AAMDC: variants seen among roughly 807,000 people sequenced by gnomAD.
AAMDC encodes the protein mth938 domain-containing protein.
A neutral mutation model predicts 15.5 loss-of-function variants in AAMDC; 16 were observed. The observed-to-expected ratio is 1.03, with a 90% CI of 0.70 to 1.57. The LOEUF is 1.57. AAMDC is among the 40% of genes most tolerant of loss of function. AAMDC has a pLI of 0.00. For synonymous variants in AAMDC, 51 were observed against 51.6 expected (o/e 0.99, Z 0.05); for missense variants, 141 against 144.9 (o/e 0.97, Z 0.14).
chr11:77,882,153 C>T (rs931238030), intron 5 of AAMDC, among the ~76,000 whole-genome samples: 9 of 152,128 alleles, frequency 5.9e-5, no homozygotes, highest in Non-Finnish European at 1.3e-4. Flanking sequence ...TGGGCTCAAT[C>T]GATCCTCCCA....
chr11:77,822,967 G>A (rs1036395290), intron 1 of AAMDC, among the ~76,000 whole-genome samples: 2 of 152,148 alleles, frequency 1.3e-5, no homozygotes, highest in Non-Finnish European at 2.9e-5. Context: ...TGTAATCCCA[G>A]CACTTTGGGA....
intron 5 of AAMDC, among the ~76,000 whole-genome samples, chr11:77,897,989 A>AT (rs1952604818): frequency 1.3e-5 from 2 of 151,242 alleles, no homozygotes; most frequent in Admixed American, 6.6e-5. Flanking sequence ...TTTGATTTTT[A>AT]TTTTTTAGAG....
At chr11:77,862,121 G>A (rs1181552619) in intron 2 of AAMDC, among the ~76,000 whole-genome samples, 1 of 152,148 alleles carries the variant, frequency 6.6e-6, no homozygotes, top group Admixed American at 6.5e-5. Context: ...GGTAGCAAAT[G>A]TTTGCGGCAC....
rs766132746 is a variant in AAMDC at position 77,835,914 on chromosome 11, GA to G, written c.-18-6555del. Among the ~76,000 whole-genome samples the G allele has an allele frequency of 9.5e-4, 140 of 147,078 alleles. No individual in the cohort carries two copies. In the Middle Eastern group the frequency reaches 0.027, roughly 29 times the overall value. ...CAGAGTGAGACTCTGTGTCAAAAAA[GA>G]AAAAAAAAATAATAATAAAAATAAA... On this transcript the variant is annotated intron_variant, in intron 1 of 3. Transcript: ENST00000393427.
At position 77,859,608 on chromosome 11, in the gene AAMDC, C is replaced by T. The variant is rs1950789977; in HGVS notation, c.133-10114C>T. 2.0e-5 allele frequency among the ~76,000 whole-genome samples: 3 copies of T among 152,200 alleles called. No individual in the cohort carries two copies. The South Asian group carries it at 6.2e-4, about 31-fold the overall frequency. ...ACTAGTTCCTGGAGTGAGGGGATTA[C>T]TTTCAAGTATTCCATTATCACTGAG... On this transcript the variant is annotated intron_variant, in intron 2 of 3. Coordinates refer to ENST00000393427, the MANE Select transcript of AAMDC (RefSeq NM_024684.4).
downstream of AAMDC, chr11:77,876,936 A>G: frequency 1.4e-6 from 1 of 703,020 alleles, no homozygotes; most frequent in Non-Finnish European, 2.6e-6. Flanking sequence ...ATGGTTCTTC[A>G]TGTTTTTGTC....
At chr11:77,825,850 T>A (rs891945497) in intron 1 of AAMDC, among the ~76,000 whole-genome samples, 9 of 152,036 alleles carry the variant, frequency 5.9e-5, no homozygotes, top group Non-Finnish European at 1.0e-4. Context: ...TGCCACTACA[T>A]CCGGCTAATT....
chr11:77,874,283 G>T (rs1423352982), downstream of AAMDC, among the ~76,000 whole-genome samples: 1 of 151,978 alleles, frequency 6.6e-6, no homozygotes, highest in Admixed American at 6.6e-5. Flanking sequence ...GATCTTTCTA[G>T]ATCTGTTCCC....
At chr11:77,861,556 T>C (rs879778962) in intron 2 of AAMDC, among the ~76,000 whole-genome samples, 10 of 152,218 alleles carry the variant, frequency 6.6e-5, no homozygotes, top group Admixed American at 6.5e-4. Context: ...ATTTGGTTAA[T>C]GGCTTCTGAC....
intron 1 of AAMDC, among the ~76,000 whole-genome samples, chr11:77,827,103 C>CA (rs10540717): frequency 3.8e-4 from 55 of 144,076 alleles, no homozygotes; most frequent in South Asian, 8.9e-4. Flanking sequence ...AAACTCGTCT[C>CA]AAAAAAAAAA....
At chr11:77,830,718 CAT>C (rs918649442) in intron 1 of AAMDC, among the ~76,000 whole-genome samples, 10 of 151,922 alleles carry the variant, frequency 6.6e-5, no homozygotes, top group African/African-American at 1.5e-4. Context: ...TACAAAAACA[CAT>C]GTCAATAATA....
intron 1 of AAMDC, among the ~76,000 whole-genome samples, chr11:77,837,532 G>T (rs1037993054): frequency 6.6e-6 from 1 of 151,938 alleles, no homozygotes; most frequent in Non-Finnish European, 1.5e-5. Flanking sequence ...TTGGCTCATT[G>T]TTACCTCCAC....
At chr11:77,837,636 A>T (rs1197577931) in intron 1 of AAMDC, among the ~76,000 whole-genome samples, 2 of 152,062 alleles carry the variant, frequency 1.3e-5, no homozygotes, top group Non-Finnish European at 2.9e-5. Flanking sequence ...GGGTTTCACC[A>T]TGTTGGCCAG....
chr11:77,842,250 T>C (rs142359869), intron 1 of AAMDC, among the ~76,000 whole-genome samples: 216 of 152,322 alleles, frequency 1.4e-3, no homozygotes, highest in African/African-American at 4.6e-3. Flanking sequence ...ATCCTAAGGA[T>C]TCCCTCTGGA....
intron 5 of AAMDC, chr11:77,894,426 G>A (rs1431201802): frequency 1.6e-5 from 12 of 749,142 alleles, no homozygotes; most frequent in East Asian, 1.1e-4. Flanking sequence ...AGAAACCTGA[G>A]CCTAAATTAA....
intron 2 of AAMDC, among the ~76,000 whole-genome samples, chr11:77,854,130 A>G (rs1348344183): frequency 6.6e-6 from 1 of 151,582 alleles, no homozygotes; most frequent in East Asian, 2.0e-4. Context: ...AGCTGGGACT[A>G]CAGGCGCCCG....
intron 2 of AAMDC, among the ~76,000 whole-genome samples, chr11:77,858,299 ATTCTTTTTTTTT>A (rs1950718643): frequency 1.1e-5 from 1 of 91,556 alleles, no homozygotes; most frequent in Non-Finnish European, 2.3e-5. Flanking sequence ...CGTTTAAGCA[ATTCTTTTTTTTT>A]TTTTTTTTTT....
At chr11:77,878,781 T>C in intron 5 of AAMDC, 1 of 706,548 alleles carries the variant, frequency 1.4e-6, no homozygotes, top group Non-Finnish European at 2.5e-6. Flanking sequence ...AGGTTTTTTA[T>C]TTTTTAATGA....
chr11:77,836,327 T>C (rs1215145735), intron 1 of AAMDC, among the ~76,000 whole-genome samples: 1 of 152,012 alleles, frequency 6.6e-6, no homozygotes, highest in Non-Finnish European at 1.5e-5. Flanking sequence ...TTAAATGAGA[T>C]CATAAGAGTC....
Sources: allele counts gnomAD v4.1 joint callset (sites outside exome capture counted in the v4.1 genomes callset), GRCh38; gene constraint gnomAD v4.1.1; transcripts MANE v1.5; gene names NCBI Gene and HGNC (gene_info 2026-07-23, HGNC 2026-07-21).